Variants in SDK1 observed in about 807,000 individuals in gnomAD.
SDK1 encodes protein sidekick-1.
A neutral mutation model predicts 245.5 loss-of-function variants in SDK1; 157 were observed. The observed-to-expected ratio is 0.64, with a 90% CI of 0.56 to 0.73. The LOEUF (loss-of-function observed/expected upper bound fraction) is 0.73. Ranked by LOEUF, SDK1 falls within the 30% of genes least tolerant of loss-of-function variation. SDK1 has a pLI of 0.00. For synonymous variants in SDK1, 1,647 were observed against 1,278.5 expected, an observed-to-expected ratio of 1.29 and a Z score of -6.15; for missense variants, 3,583 against 3,002.3, an observed-to-expected ratio of 1.19 and a Z score of -4.52.
At chr7:4,242,664 C>T (rs1417556368) in intron 43 of SDK1, among the ~76,000 whole-genome samples, 1 of 152,192 alleles carries the variant, frequency 6.6e-6, no homozygotes, top group African/African-American at 2.4e-5. Flanking sequence ...GCCCCAGCAT[C>T]GGGGTGGAGG....
At chr7:3,672,759 T>TTATATATATATATATATATA (rs60760676) in intron 4 of SDK1, among the ~76,000 whole-genome samples, 10 of 50,740 alleles carry the variant, frequency 2.0e-4, no homozygotes, top group African/African-American at 4.3e-4. Context: ...ATATATAATT[T>TTATATATATATATATATATA]TATATATATA....
intron 1 of SDK1, among the ~76,000 whole-genome samples, chr7:3,456,830 C>A (rs774355872): frequency 3.3e-5 from 5 of 152,118 alleles, no homozygotes; most frequent in African/African-American, 1.2e-4. Flanking sequence ...CCTACTTAAA[C>A]CTGTTATTTT....
chr7:3,717,263 G>T (rs560055159), intron 4 of SDK1, among the ~76,000 whole-genome samples: 1 of 152,118 alleles, frequency 6.6e-6, no homozygotes, highest in South Asian at 2.1e-4. Context: ...AAAAATAAAG[G>T]AATCAAACTA....
At chr7:4,071,540 G>A (rs1024726132) in intron 20 of SDK1, among the ~76,000 whole-genome samples, 6 of 152,168 alleles carry the variant, frequency 3.9e-5, no homozygotes, top group Admixed American at 1.3e-4. Flanking sequence ...GCCTGGAGTC[G>A]AAGGAATTAA....
At chr7:4,220,304 TGCAAC>T in intron 39 of SDK1, 34 bp downstream of exon 39, 1 of 1,599,222 alleles carries the variant, frequency 6.3e-7, no homozygotes, top group Non-Finnish European at 8.6e-7. Context: ...CAATGTCAAT[TGCAAC>T]TTTAGCCTCC....
intron 4 of SDK1, among the ~76,000 whole-genome samples, chr7:3,749,647 A>C (rs1779722314): frequency 6.6e-6 from 1 of 152,208 alleles, no homozygotes. Context: ...AAGTTCTGAT[A>C]CAAGGATAGA....
At chr7:3,381,759 G>T (rs1446552786) in intron 1 of SDK1, among the ~76,000 whole-genome samples, 2 of 152,160 alleles carry the variant, frequency 1.3e-5, no homozygotes, top group African/African-American at 4.8e-5. Flanking sequence ...TGTGTGGACA[G>T]AAATTCTAGA....
intron 4 of SDK1, among the ~76,000 whole-genome samples, chr7:3,650,470 C>G (rs1026238433): frequency 6.6e-6 from 1 of 152,120 alleles, no homozygotes; most frequent in Non-Finnish European, 1.5e-5. Flanking sequence ...CCTTTTCCAC[C>G]TATTTTTAAT....
At chr7:4,044,187 C>T (rs560917751) in intron 17 of SDK1, among the ~76,000 whole-genome samples, 35 of 152,298 alleles carry the variant, frequency 2.3e-4, no homozygotes, top group Non-Finnish European at 3.5e-4. Flanking sequence ...CACACGTTGG[C>T]GCCATGGCTA....
chr7:3,680,164 T>A (rs561982655), intron 4 of SDK1, among the ~76,000 whole-genome samples: 1 of 152,282 alleles, frequency 6.6e-6, no homozygotes, highest in South Asian at 2.1e-4. Context: ...AGGGGCATCA[T>A]GCTTAGGGAA....
chr7:3,794,848 C>T (rs1339042307), intron 4 of SDK1, among the ~76,000 whole-genome samples: 1 of 152,092 alleles, frequency 6.6e-6, no homozygotes, highest in Non-Finnish European at 1.5e-5. Context: ...CTGAAGACAT[C>T]TGTTCTAGAT....
At chr7:3,553,428 C>G (rs1283064567) in intron 1 of SDK1, among the ~76,000 whole-genome samples, 1 of 152,060 alleles carries the variant, frequency 6.6e-6, no homozygotes, top group African/African-American at 2.4e-5. Context: ...AAGGAGAACT[C>G]TAAAACTTGG....
At chr7:4,210,479 TC>T (rs765194552) in intron 38 of SDK1, among the ~76,000 whole-genome samples, 4 of 152,150 alleles carry the variant, frequency 2.6e-5, no homozygotes, top group Non-Finnish European at 5.9e-5. Context: ...GACATTCCTC[TC>T]CTATTCCTCC....
chr7:3,922,034 C>G (rs1301068560), intron 5 of SDK1, among the ~76,000 whole-genome samples: 3 of 152,212 alleles, frequency 2.0e-5, no homozygotes, highest in Admixed American at 1.3e-4. Flanking sequence ...CGCAGGGCCT[C>G]TCACCCATGC....
At chr7:3,817,112 G>C (rs1479038808) in intron 4 of SDK1, among the ~76,000 whole-genome samples, 2 of 152,156 alleles carry the variant, frequency 1.3e-5, no homozygotes, top group African/African-American at 4.8e-5. Flanking sequence ...AAGTGTTAAA[G>C]AGCAAAATAC....
At chr7:3,964,882 G>A (rs1312850245) in intron 9 of SDK1, among the ~76,000 whole-genome samples, 8 of 152,124 alleles carry the variant, frequency 5.3e-5, no homozygotes, top group Admixed American at 5.2e-4. Flanking sequence ...CTTGAATCTT[G>A]CCCTCGGGTC....
intron 44 of SDK1, among the ~76,000 whole-genome samples, chr7:4,247,318 T>C (rs968130446): frequency 6.6e-6 from 1 of 152,188 alleles, no homozygotes; most frequent in African/African-American, 2.4e-5. Flanking sequence ...TTGCGTGTTC[T>C]GTTTACAGAG....
At chr7:3,358,870 A>G (rs1415418629) in intron 1 of SDK1, among the ~76,000 whole-genome samples, 2 of 152,196 alleles carry the variant, frequency 1.3e-5, no homozygotes, top group Non-Finnish European at 2.9e-5. Context: ...TCAATTTCAA[A>G]TAGTGTTAAA....
chr7:3,890,020 A>G (rs908993295), intron 5 of SDK1, among the ~76,000 whole-genome samples: 1 of 152,128 alleles, frequency 6.6e-6, no homozygotes, highest in African/African-American at 2.4e-5. Context: ...TTCAGTGGTC[A>G]GTATTGGCTC....
Sources: allele counts gnomAD v4.1 joint callset (sites outside exome capture counted in the v4.1 genomes callset), GRCh38; gene constraint gnomAD v4.1.1; transcripts MANE v1.5; gene names NCBI Gene and HGNC (gene_info 2026-07-23, HGNC 2026-07-21).